Variants in GAN observed in about 807,000 individuals in gnomAD.
GAN encodes the protein gigaxonin, also known as epididymis secretory sperm binding protein.
A neutral mutation model predicts 71.3 loss-of-function variants in GAN; 48 were observed. The ratio of observed to expected loss-of-function variants is 0.67; its 90% CI spans 0.53 to 0.86. The LOEUF (loss-of-function observed/expected upper bound fraction) is 0.86. GAN is among the 40% of genes least tolerant of loss of function. The pLI is 0.00. For synonymous variants in GAN, 386 were observed against 276.8 expected (o/e 1.39, Z -3.92); for missense variants, 928 against 770.1 (o/e 1.21, Z -2.43).
Position 81,340,699 on chromosome 16 carries a change from G to A in GAN, c.168-10884G>A, listed in dbSNP as rs577492726. ...GGGGAGAAACCAGAGCAGAAAGGCT[G>A]AAAATTCTTTGGAGGAGAAGAGAAT... On this transcript the variant is annotated intron_variant, in intron 1 of 10. Transcript: ENST00000648994. Among the ~76,000 whole-genome samples the A allele has an allele frequency of 2.6e-5, 4 of 151,910 alleles. No homozygotes were observed. In the East Asian group the frequency reaches 7.8e-4, roughly 30 times the overall value.
chr16:81,332,002 A>G (rs1266606603), intron 1 of GAN, among the ~76,000 whole-genome samples: 2 of 152,064 alleles, frequency 1.3e-5, no homozygotes, highest in Admixed American at 1.3e-4. Flanking sequence ...TCTCTACTAA[A>G]AATACAAAAT....
chr16:81,345,578 G>T (rs1176714669), intron 1 of GAN, among the ~76,000 whole-genome samples: 1 of 152,014 alleles, frequency 6.6e-6, no homozygotes, highest in Admixed American at 6.6e-5. Flanking sequence ...GGGGAACATC[G>T]CACACTGGGG....
rs910435731 is a variant in GAN at position 81,389,225 on chromosome 16, G to T, written c.*11629G>T. 1 of 152,172 alleles carries T rather than the reference G, an allele frequency of 6.6e-6. No individual in the cohort carries two copies. The highest frequency in any genetic ancestry group is 6.5e-5 in the Admixed American group (1 of 15,276). The allele number at this position is 152,172 out of a possible 1,614,324, so 9.4% of individuals were successfully genotyped here. A position where few individuals can be genotyped will look rare whatever the true frequency, so the allele number is the denominator to read the frequency against. On this transcript the variant is annotated 3_prime_UTR_variant, in exon 11 of 11. Transcript: ENST00000648994. ...CACAACTTGCTTCATTAAATAATTC[G>T]TGGCTTTTTCTGCCACTGGGGTTCT...
rs1180254612 is a variant in GAN, at chr16:81,354,523, G to A, written c.401G>A (p.Cys134Tyr). The A allele has an allele frequency of 6.2e-7, 1 of 1,613,908 alleles. No individual in the cohort carries two copies. Among genetic ancestry groups the A allele is most frequent in the Non-Finnish European group, 8.5e-7 (1 of 1,179,904 alleles). Reference sequence around the variant, plus strand: ...GAAGGCTGCATTGCTGCTGAGAACTGTATTGGTATCCGTGACTTTGCACTA... The same window carrying A: ...GAAGGCTGCATTGCTGCTGAGAACTATATTGGTATCCGTGACTTTGCACTA... ...FLEGCIAAEN[C>Y]IGIRDFALHY... The change falls in exon 3 of 11, where the codon TGT becomes TAT. Residue 134 changes from cysteine to tyrosine, a missense_variant. Transcript: ENST00000648994.
Position 81,373,762 on chromosome 16 carries a change from GAGACAGAGT to G in GAN, c.1503-3456_1503-3448del, listed in dbSNP as rs764760823. Among the ~76,000 whole-genome samples, 78 of 151,446 alleles carry G rather than the reference GAGACAGAGT, an allele frequency of 5.2e-4. No individual in the cohort carries two copies. In the East Asian group the frequency reaches 0.014, roughly 28 times the overall value. ...GTGATAGTTCTTCATTCTTTTTTTT[GAGACAGAGT>G]CTTGCTCTGTCAGCAGGCTGGAGTG... On this transcript the variant is annotated intron_variant, in intron 9 of 10. Coordinates refer to ENST00000648994, the MANE Select transcript of GAN (RefSeq NM_022041.4).
In GAN at chr16:81,379,273, T is replaced by G. The variant is rs1443403283; in HGVS notation, c.*1677T>G. On this transcript the variant is annotated 3_prime_UTR_variant, in exon 11 of 11. Transcript: ENST00000648994. ...TTTTTTTTCTTATACCTGCTGGAAG[T>G]CAGTACAATGCGTCAAAAGTTGCTG... 1 of 152,136 alleles carries G rather than the reference T, an allele frequency of 6.6e-6. No homozygotes were observed. The allele number at this position is 152,136 out of a possible 1,614,324, so 9.4% of individuals were successfully genotyped here.
intron 2 of GAN, among the ~76,000 whole-genome samples, chr16:81,352,253 C>G (rs892286310): frequency 6.6e-6 from 1 of 152,206 alleles, no homozygotes; most frequent in African/African-American, 2.4e-5. Context: ...CACCCTTATT[C>G]TCTCTTCCCT....
intron 1 of GAN, among the ~76,000 whole-genome samples, chr16:81,345,499 G>C (rs1391509256): frequency 6.6e-6 from 1 of 152,004 alleles, no homozygotes; most frequent in African/African-American, 2.4e-5. Flanking sequence ...CACAAGATCA[G>C]AAAACCAAAC....
intron 1 of GAN, among the ~76,000 whole-genome samples, chr16:81,316,470 C>T (rs1032361196): frequency 1.2e-3 from 5 of 4,148 alleles, no homozygotes; most frequent in Non-Finnish European, 2.1e-3. Context: ...CGCTCTTTGG[C>T]GGTGGGGAGT....
At chr16:81,348,068 G>C (rs1241933202) in intron 1 of GAN, among the ~76,000 whole-genome samples, 1 of 152,030 alleles carries the variant, frequency 6.6e-6, no homozygotes. Context: ...GCCCAGTCTG[G>C]TCTTGAACAC....
intron 9 of GAN, among the ~76,000 whole-genome samples, chr16:81,368,648 C>A (rs1334474222): frequency 6.6e-6 from 1 of 152,144 alleles, no homozygotes; most frequent in African/African-American, 2.4e-5. Flanking sequence ...TTGTACTTTG[C>A]AACTCATCAG....
At position 81,381,456 on chromosome 16, in the gene GAN, A is replaced by T. The variant is rs1345896; in HGVS notation, c.*3860A>T. The T allele has an allele frequency of 0.55, 84,252 of 152,084 alleles. 23,517 individuals are homozygous for T. Among genetic ancestry groups the T allele is most frequent in the East Asian group, 0.74 (3,837 of 5,158 alleles). 9.4% of individuals were successfully genotyped at this position (152,084 alleles called of 1,614,324 possible). A position where few individuals can be genotyped will look rare whatever the true frequency, so the allele number is the denominator to read the frequency against. ...GTTAAAAACACCTGGTGGAAGGGAAAGGTGAGGCGGCCCTTTTCCACTGGC... is the reference window on the plus strand; with the variant it reads ...GTTAAAAACACCTGGTGGAAGGGAATGGTGAGGCGGCCCTTTTCCACTGGC... On this transcript the variant is annotated 3_prime_UTR_variant, in exon 11 of 11. Coordinates refer to ENST00000648994, the MANE Select transcript of GAN (RefSeq NM_022041.4).
Position 81,379,075 on chromosome 16 carries a change from A to G in GAN, c.*1479A>G, listed in dbSNP as rs555505572. 16 of 152,288 alleles carry G rather than the reference A, an allele frequency of 1.1e-4. No homozygotes were observed. The highest frequency in any genetic ancestry group is 2.0e-4 in the Admixed American group (3 of 15,288). The allele number at this position is 152,288 out of a possible 1,614,324, so 9.4% of individuals were successfully genotyped here. A position where few individuals can be genotyped will look rare whatever the true frequency, so the allele number is the denominator to read the frequency against. ...TTCCTTTTGGAATATGGCTGTAAGA[A>G]GCAGCATTTTGTCTTATTAACACAT... On this transcript the variant is annotated 3_prime_UTR_variant, in exon 11 of 11. Coordinates refer to ENST00000648994, the MANE Select transcript of GAN (RefSeq NM_022041.4).
rs765337504 is a variant in GAN, at chr16:81,365,071, C to T, written c.1334C>T (p.Thr445Ile). The T allele has an allele frequency of 6.8e-6, 11 of 1,613,644 alleles. No individual in the cohort carries two copies. The highest frequency in any genetic ancestry group is 2.7e-5 in the African/African-American group (2 of 74,894). The part of the protein sequence containing the change: ...FESVECYDPR[T>I]QQWTAICPLK... ...TCTGTAGAGTGTTATGATCCCAGGACCCAGCAGTGGACTGCCATATGTCCA... is the reference window on the plus strand; with the variant it reads ...TCTGTAGAGTGTTATGATCCCAGGATCCAGCAGTGGACTGCCATATGTCCA... Residue 445 changes from threonine (T) to isoleucine (I), a missense_variant, in exon 8 of 11, where the codon ACC becomes ATC. Transcript: ENST00000648994.
intron 5 of GAN, among the ~76,000 whole-genome samples, chr16:81,360,064 T>TAGATGGAC (rs1910623795): frequency 6.7e-6 from 1 of 149,154 alleles, no homozygotes; most frequent in African/African-American, 2.5e-5. Context: ...GATGGATGGA[T>TAGATGGAC]GGATAGATGG....
rs371473690 is a variant in GAN, at chr16:81,342,488, C to T, written c.168-9095C>T. 1.3e-4 allele frequency among the ~76,000 whole-genome samples: 20 copies of T among 152,252 alleles called. No individual in the cohort carries two copies. The East Asian group carries it at 2.3e-3, about 18-fold the overall frequency. On this transcript the variant is annotated intron_variant, in intron 1 of 10. Transcript: ENST00000648994. ...CAGGATTCAGACTCTCACTCAAAAC[C>T]GCACAACTACATGGAAACTGAACAA...
chr16:81,356,960 G>C lies in GAN; in HGVS notation c.809G>C (p.Gly270Ala). Residue 270 changes from glycine to alanine, a missense_variant, in exon 4 of 11, where the codon GGC becomes GCC. Physicochemically the swap from Gly to Ala is moderately conservative, Grantham distance 60. Transcript: ENST00000648994. ...EAMLANFKPR[G>A]YSECIVTVGG... The stretch of plus-strand genomic sequence containing the variant: ...ATGCTGGCCAACTTCAAACCCCGGG[G>C]CTACTCTGAGTGCATCGTGACTGTT... The C allele has an allele frequency of 6.2e-7, 1 of 1,613,270 alleles. No individual in the cohort carries two copies. The highest frequency in any genetic ancestry group is 8.5e-7 in the Non-Finnish European group (1 of 1,179,582).
chr16:81,364,751 T>C (rs1344703365), intron 7 of GAN, among the ~76,000 whole-genome samples: 1 of 152,212 alleles, frequency 6.6e-6, no homozygotes, highest in Admixed American at 6.5e-5. Context: ...ATAGTATCAG[T>C]TGGAGTAAGA....
chr16:81,374,397 G>A (rs1250213335), intron 9 of GAN, among the ~76,000 whole-genome samples: 1 of 152,208 alleles, frequency 6.6e-6, no homozygotes, highest in African/African-American at 2.4e-5. Context: ...AAACTGTCAA[G>A]CACTCATTTG....
Sources: gnomAD v4.1 joint callset for allele counts (sites outside exome capture counted in the v4.1 genomes callset) on GRCh38, gnomAD v4.1.1 for gene constraint, MANE v1.5 for transcripts, NCBI Gene and HGNC (gene_info 2026-07-23, HGNC 2026-07-21) for gene names.